Variants in PPP4R3A observed in about 807,000 individuals in gnomAD.
PPP4R3A encodes the protein protein phosphatase 4 regulatory subunit 3A, also known as serine/threonine-protein phosphatase 4 regulatory subunit 3A.
In PPP4R3A, 15 loss-of-function variants were observed where a neutral mutation model predicts 91.7. That is an observed-to-expected ratio of 0.16 (90% confidence interval 0.11 to 0.25). The LOEUF (loss-of-function observed/expected upper bound fraction) is 0.25. Among genes scored for constraint, PPP4R3A ranks in the 10% least tolerant of loss-of-function variants. PPP4R3A has a pLI of 1.00. For missense variants in PPP4R3A, 623 were observed against 998.4 expected (o/e 0.62, Z 5.07); for synonymous variants, 377 against 348.7 (o/e 1.08, Z -0.91).
chr14:91,486,771 G>C (rs1889905618), intron 2 of PPP4R3A, among the ~76,000 whole-genome samples: 1 of 151,760 alleles, frequency 6.6e-6, no homozygotes, highest in Non-Finnish European at 1.5e-5. Flanking sequence ...AATTAGCCGG[G>C]CATGTGCCTG....
At chr14:91,469,637 C>T (rs1567148315) in intron 10 of PPP4R3A, among the ~76,000 whole-genome samples, 1 of 152,196 alleles carries the variant, frequency 6.6e-6, no homozygotes, top group Non-Finnish European at 1.5e-5. Context: ...GGTGCAATTT[C>T]AGCTCACCGC....
rs1455343489 is a variant in PPP4R3A, at chr14:91,464,036, T to C, written c.1831-1159A>G. 2.0e-5 allele frequency among the ~76,000 whole-genome samples: 3 copies of C among 152,312 alleles called. No individual in the cohort carries two copies. In the East Asian group the frequency reaches 5.8e-4, roughly 29 times the overall value. ...CAGCCATGCGTATTTTAAAAGCATGTCACAGGCCGGGTGAAGAGGCTCATG... is the reference window on the plus strand; with the variant it reads ...CAGCCATGCGTATTTTAAAAGCATGCCACAGGCCGGGTGAAGAGGCTCATG... On this transcript the variant is annotated intron_variant, in intron 11 of 14. Transcript: ENST00000554943.
intron 1 of PPP4R3A, among the ~76,000 whole-genome samples, chr14:91,507,466 T>TATATATACTATATAG (rs1441104504): frequency 1.5e-4 from 20 of 131,428 alleles, no homozygotes; most frequent in African/African-American, 6.2e-4. Flanking sequence ...TATACTATAA[T>TATATATACTATATAG]TATATATACT....
intron 1 of PPP4R3A, among the ~76,000 whole-genome samples, chr14:91,493,349 G>C (rs1329031198): frequency 6.6e-6 from 1 of 150,456 alleles, no homozygotes; most frequent in Non-Finnish European, 1.5e-5. Context: ...AAATAAATTA[G>C]CTGGATGAGG....
At chr14:91,504,911 G>A (rs1206898467) in intron 1 of PPP4R3A, among the ~76,000 whole-genome samples, 1 of 152,166 alleles carries the variant, frequency 6.6e-6, no homozygotes, top group Non-Finnish European at 1.5e-5. Context: ...GCCTACAGTT[G>A]AGATAGCATT....
chr14:91,505,325 C>T (rs957363071), intron 1 of PPP4R3A, among the ~76,000 whole-genome samples: 19 of 151,972 alleles, frequency 1.3e-4, no homozygotes, highest in Admixed American at 2.0e-4. Flanking sequence ...TGATGGCAGA[C>T]GCCTGTAATC....
chr14:91,470,002 G>T (rs1185640752), intron 10 of PPP4R3A, among the ~76,000 whole-genome samples: 1 of 151,904 alleles, frequency 6.6e-6, no homozygotes, highest in African/African-American at 2.4e-5. Context: ...AGCAAAAATG[G>T]ATATATATTC....
Position 91,482,599 on chromosome 14 carries a change from C to G in PPP4R3A, c.298-406G>C, listed in dbSNP as rs550091801. Among the ~76,000 whole-genome samples the G allele has an allele frequency of 9.2e-5, 14 of 152,274 alleles. 1 individual carries two copies. In the South Asian group the frequency reaches 2.7e-3, roughly 29 times the overall value. On this transcript the variant is annotated intron_variant, in intron 3 of 14. Transcript: ENST00000554943. The stretch of plus-strand genomic sequence containing the variant: ...TCTCAGAAACAGTCCTAGGACTGTG[C>G]TAAAGGACACTGCCACCACCAAACT...
At chr14:91,486,932 T>TAA in intron 2 of PPP4R3A, among the ~76,000 whole-genome samples, 1 of 125,162 alleles carries the variant, frequency 8.0e-6, no homozygotes, top group East Asian at 2.2e-4. Flanking sequence ...AAATAGAGAG[T>TAA]CAAAATATTT....
At chr14:91,487,819 T>C (rs1433187306) in intron 2 of PPP4R3A, among the ~76,000 whole-genome samples, 1 of 152,158 alleles carries the variant, frequency 6.6e-6, no homozygotes, top group Non-Finnish European at 1.5e-5. Flanking sequence ...TGGGCTCAGG[T>C]GGTCCTTCCA....
At chr14:91,504,923 T>C (rs908012236) in intron 1 of PPP4R3A, among the ~76,000 whole-genome samples, 1 of 152,172 alleles carries the variant, frequency 6.6e-6, no homozygotes, top group African/African-American at 2.4e-5. Context: ...GATAGCATTA[T>C]TATAGCTTCC....
At chr14:91,500,016 C>A (rs1303213962) in intron 1 of PPP4R3A, among the ~76,000 whole-genome samples, 1 of 152,016 alleles carries the variant, frequency 6.6e-6, no homozygotes, top group Non-Finnish European at 1.5e-5. Flanking sequence ...GTCTACATTA[C>A]AGAGAACTCA....
At chr14:91,458,993 G>T in intron 14 of PPP4R3A, 124 bp from the exon 15 acceptor site, 1 of 1,122,104 alleles carries the variant, frequency 8.9e-7, no homozygotes, top group Non-Finnish European at 1.2e-6. Context: ...TCTGGGTGGT[G>T]GGACTGTGTT....
intron 9 of PPP4R3A, among the ~76,000 whole-genome samples, chr14:91,471,548 G>C (rs925595236): frequency 6.6e-6 from 1 of 151,886 alleles, no homozygotes; most frequent in Non-Finnish European, 1.5e-5. Context: ...ATTCCCCCAC[G>C]TTTAGATTAT....
At chr14:91,489,038 GC>G (rs1389566567) in intron 2 of PPP4R3A, among the ~76,000 whole-genome samples, 2 of 151,446 alleles carry the variant, frequency 1.3e-5, no homozygotes, top group African/African-American at 4.9e-5. Flanking sequence ...CTCCTGAGTA[GC>G]TGGGACTGCA....
At chr14:91,460,636 CCTTT>C (rs1888080593) in intron 14 of PPP4R3A, among the ~76,000 whole-genome samples, 1 of 98,342 alleles carries the variant, frequency 1.0e-5, no homozygotes. Context: ...AGATTTTGTT[CCTTT>C]TTTTTTTTTT....
Position 91,480,188 on chromosome 14 carries a change from T to C in PPP4R3A, c.915+1388A>G, listed in dbSNP as rs541709250. ...CTACATTTTAATAAGCAATTATCAA[T>C]AGACACTTAAAAAATTCCCATGAAT... is the stretch of plus-strand genomic sequence containing the variant. On this transcript the variant is annotated intron_variant, in intron 4 of 14. Transcript: ENST00000554943. Among the ~76,000 whole-genome samples, 73 of 152,300 alleles carry C rather than the reference T, an allele frequency of 4.8e-4. No homozygotes were observed. The South Asian group carries it at 0.015, about 31-fold the overall frequency.
chr14:91,467,004 T>G (rs2140077910), intron 10 of PPP4R3A, among the ~76,000 whole-genome samples: 1 of 150,966 alleles, frequency 6.6e-6, no homozygotes, highest in South Asian at 2.1e-4. Flanking sequence ...AGTGAAAAAC[T>G]CCTTTCCTGA....
chr14:91,460,010 G>A (rs754234676), intron 14 of PPP4R3A, among the ~76,000 whole-genome samples: 10 of 151,628 alleles, frequency 6.6e-5, no homozygotes, highest in Non-Finnish European at 1.5e-4. Context: ...AACCACTGCC[G>A]CTTGCTTTAT....
Sources: gnomAD v4.1 joint callset for allele counts (sites outside exome capture counted in the v4.1 genomes callset) on GRCh38, gnomAD v4.1.1 for gene constraint, MANE v1.5 for transcripts, NCBI Gene and HGNC (gene_info 2026-07-23, HGNC 2026-07-21) for gene names.